Variants in CDH6 observed in about 807,000 individuals in gnomAD.
CDH6 encodes the protein cadherin-6.
In CDH6, 31 loss-of-function variants were observed where a neutral mutation model predicts 78.0. The observed-to-expected ratio is 0.40, with a 90% CI of 0.30 to 0.54. The LOEUF is 0.54. CDH6 is among the 20% of genes least tolerant of loss of function. The pLI is 0.56. For synonymous variants in CDH6, 376 were observed against 368.8 expected (o/e 1.02, Z -0.23); for missense variants, 724 against 975.9 (o/e 0.74, Z 3.44).
At chr5:31,240,652 T>G (rs1741573258) in intron 1 of CDH6, among the ~76,000 whole-genome samples, 1 of 152,178 alleles carries the variant, frequency 6.6e-6, no homozygotes, top group Non-Finnish European at 1.5e-5. Context: ...CAGCAATTTT[T>G]ATTTATTCAT....
chr5:31,265,802 T>C (rs925135544), intron 1 of CDH6, among the ~76,000 whole-genome samples: 1 of 118,954 alleles, frequency 8.4e-6, no homozygotes, highest in Non-Finnish European at 1.6e-5. Context: ...TGAGATGGAG[T>C]CTCACTCTGT....
At chr5:31,214,071 T>C (rs1051148236) in intron 1 of CDH6, among the ~76,000 whole-genome samples, 35 of 150,056 alleles carry the variant, frequency 2.3e-4, no homozygotes, top group Non-Finnish European at 4.4e-5. Flanking sequence ...GGGCCTGTGT[T>C]GAAACGGCAA....
intron 3 of CDH6, among the ~76,000 whole-genome samples, chr5:31,295,661 C>A (rs1361263765): frequency 6.6e-6 from 1 of 152,062 alleles, no homozygotes; most frequent in Non-Finnish European, 1.5e-5. Flanking sequence ...AGTGGGACAA[C>A]AGCATGGGAG....
At position 31,302,750 on chromosome 5, in the gene CDH6, GGA is replaced by G. The variant is rs1491111628; in HGVS notation, c.999+455_999+456del. Among the ~76,000 whole-genome samples the G allele has an allele frequency of 1.4e-3, 58 of 40,908 alleles. 1 individual carries two copies. The highest frequency in any genetic ancestry group is 7.3e-3 in the Admixed American group (16 of 2,178). 26.8% of individuals were successfully genotyped at this position (40,908 alleles called of 152,430 possible). A position where few individuals can be genotyped will look rare whatever the true frequency, so the allele number is the denominator to read the frequency against. ...AAGAAAGAAGGAAGGAAGGAAGGAA[GGA>G]GAAAGAAAGAAAGAAAGAAAGAAGA... On this transcript the variant is annotated intron_variant, in intron 6 of 11. Transcript: ENST00000265071.
At chr5:31,275,594 C>T (rs1249542821) in intron 2 of CDH6, among the ~76,000 whole-genome samples, 1 of 152,116 alleles carries the variant, frequency 6.6e-6, no homozygotes, top group Non-Finnish European at 1.5e-5. Context: ...TTTCTTTATC[C>T]AGTCTACCAC....
intron 1 of CDH6, among the ~76,000 whole-genome samples, chr5:31,261,953 G>A (rs985760785): frequency 1.3e-5 from 2 of 152,092 alleles, no homozygotes; most frequent in African/African-American, 4.8e-5. Flanking sequence ...AATTATTTGC[G>A]AATAAAAGTT....
chr5:31,199,331 T>C (rs1194674074), intron 1 of CDH6, among the ~76,000 whole-genome samples: 1 of 150,616 alleles, frequency 6.6e-6, no homozygotes, highest in Non-Finnish European at 1.5e-5. Context: ...AATATATGTG[T>C]GTGTATATAC....
intron 1 of CDH6, among the ~76,000 whole-genome samples, chr5:31,223,305 G>T (rs1010961698): frequency 6.6e-6 from 1 of 152,044 alleles, no homozygotes; most frequent in Non-Finnish European, 1.5e-5. Flanking sequence ...TTCTTTAACT[G>T]CTTTGCTCAC....
intron 1 of CDH6, among the ~76,000 whole-genome samples, chr5:31,207,936 G>T (rs1363390385): frequency 1.3e-5 from 2 of 152,174 alleles, no homozygotes; most frequent in African/African-American, 4.8e-5. Context: ...ACACCAGGCC[G>T]TCGGGGCTAC....
intron 1 of CDH6, among the ~76,000 whole-genome samples, chr5:31,246,135 C>T (rs1741741642): frequency 6.6e-6 from 1 of 151,936 alleles, no homozygotes; most frequent in Non-Finnish European, 1.5e-5. Context: ...TTGTCTCCAT[C>T]TCCTGACCTC....
At chr5:31,224,585 C>T (rs1162639060) in intron 1 of CDH6, among the ~76,000 whole-genome samples, 1 of 152,200 alleles carries the variant, frequency 6.6e-6, no homozygotes, top group East Asian at 1.9e-4. Flanking sequence ...CAGGGTCTCA[C>T]TCTGTCATCC....
chr5:31,240,328 A>G (rs903192691), intron 1 of CDH6, among the ~76,000 whole-genome samples: 8 of 152,206 alleles, frequency 5.3e-5, no homozygotes, highest in African/African-American at 1.7e-4. Flanking sequence ...GGGAAATGCT[A>G]ACTTTAGGTA....
chr5:31,306,337 A>C (rs1368741373), intron 7 of CDH6, among the ~76,000 whole-genome samples: 1 of 152,182 alleles, frequency 6.6e-6, no homozygotes, highest in African/African-American at 2.4e-5. Flanking sequence ...CTTTCCTTAC[A>C]CCTTAGTTGT....
Position 31,200,222 on chromosome 5 carries a change from T to C in CDH6, c.-129+6336T>C, listed in dbSNP as rs186641221. 3.3e-5 allele frequency among the ~76,000 whole-genome samples: 5 copies of C among 152,312 alleles called. No individual in the cohort carries two copies. In the East Asian group the frequency reaches 9.6e-4, roughly 29 times the overall value. On this transcript the variant is annotated intron_variant, in intron 1 of 11. Transcript: ENST00000265071. ...TTATGAACATAATGATGGTACTTTT[T>C]ATATGAGAATAAATTATCTTATCCT...
At chr5:31,217,918 T>G (rs2111824307) in intron 1 of CDH6, among the ~76,000 whole-genome samples, 1 of 152,300 alleles carries the variant, frequency 6.6e-6, no homozygotes, top group South Asian at 2.1e-4. Context: ...AGTTAAAAAC[T>G]GTAAAAGATA....
intron 2 of CDH6, among the ~76,000 whole-genome samples, chr5:31,285,373 C>T (rs756937215): frequency 1.3e-5 from 2 of 152,154 alleles, no homozygotes; most frequent in Non-Finnish European, 2.9e-5. Context: ...TTTCACATTC[C>T]CTGATTCAGT....
At chr5:31,198,772 A>G (rs1561192985) in intron 1 of CDH6, among the ~76,000 whole-genome samples, 1 of 152,270 alleles carries the variant, frequency 6.6e-6, no homozygotes, top group East Asian at 1.9e-4. Flanking sequence ...CTCTTTATAA[A>G]TAGTGCTACT....
At chr5:31,200,092 G>A (rs779019254) in intron 1 of CDH6, among the ~76,000 whole-genome samples, 67 of 152,144 alleles carry the variant, frequency 4.4e-4, no homozygotes, top group Non-Finnish European at 8.8e-4. Context: ...CTTGGCAGAT[G>A]TGAAGGCTCA....
chr5:31,315,892 C>T (rs1738308121), intron 8 of CDH6, among the ~76,000 whole-genome samples: 2 of 152,244 alleles, frequency 1.3e-5, no homozygotes, highest in South Asian at 4.1e-4. Context: ...TGCTCCCCAT[C>T]TGCCTGCTTC....
Sources: gnomAD v4.1 joint callset for allele counts (sites outside exome capture counted in the v4.1 genomes callset) on GRCh38, gnomAD v4.1.1 for gene constraint, MANE v1.5 for transcripts, NCBI Gene and HGNC (gene_info 2026-07-23, HGNC 2026-07-21) for gene names.